The following SNTG1 variants were observed in gnomAD, a reference collection of about 807,000 sequenced individuals.
SNTG1 encodes the protein gamma-1-syntrophin.
A neutral mutation model predicts 74.7 loss-of-function variants in SNTG1; 39 were observed. The observed-to-expected ratio is 0.52, with a 90% CI of 0.40 to 0.68. The LOEUF (loss-of-function observed/expected upper bound fraction) is 0.68. SNTG1 is among the 30% of genes least tolerant of loss of function. The pLI, the probability that SNTG1 is intolerant of heterozygous loss-of-function variation, is 0.00. For synonymous variants in SNTG1, 254 were observed against 217.1 expected (o/e 1.17, Z -1.49); for missense variants, 685 against 609.5 (o/e 1.12, Z -1.30).
chr8:50,716,355 A>G lies in SNTG1; in HGVS notation c.1284+7377A>G, dbSNP rs190566868. On this transcript the variant is annotated intron_variant, in intron 17 of 18. Transcript: ENST00000642720. The stretch of plus-strand genomic sequence containing the variant: ...TAGAAATCTTCACTATACAAGTTAT[A>G]ATATAGTTCTGACAATATTCACATA... Among the ~76,000 whole-genome samples, 340 of 152,248 alleles carry G rather than the reference A, an allele frequency of 2.2e-3. 4 individuals are homozygous for G. Among genetic ancestry groups the G allele is most frequent in the East Asian group, 7.7e-3 (40 of 5,194 alleles).
chr8:50,287,391 G>T (rs138113278), intron 2 of SNTG1, among the ~76,000 whole-genome samples: 1 of 152,050 alleles, frequency 6.6e-6, no homozygotes, highest in African/African-American at 2.4e-5. Flanking sequence ...AGTTAACGTC[G>T]TTGCCATCTG....
chr8:50,168,636 A>G (rs1485153306), intron 1 of SNTG1, among the ~76,000 whole-genome samples: 1 of 152,184 alleles, frequency 6.6e-6, no homozygotes, highest in East Asian at 1.9e-4. Context: ...CTATTACCCA[A>G]TATAAGAAGT....
At chr8:50,490,454 T>C (rs2093841301) in intron 8 of SNTG1, among the ~76,000 whole-genome samples, 3 of 152,214 alleles carry the variant, frequency 2.0e-5, no homozygotes, top group Non-Finnish European at 4.4e-5. Context: ...AAGCAGTGGT[T>C]TGTAGTTCTT....
intron 2 of SNTG1, among the ~76,000 whole-genome samples, chr8:50,235,581 G>T (rs2085849378): frequency 6.6e-6 from 1 of 152,124 alleles, no homozygotes; most frequent in South Asian, 2.1e-4. Context: ...ACACATTTTT[G>T]TTGGAAAAAA....
chr8:50,398,169 C>T (rs1010387747), intron 3 of SNTG1, among the ~76,000 whole-genome samples: 12 of 152,328 alleles, frequency 7.9e-5, no homozygotes, highest in African/African-American at 2.6e-4. Context: ...TGTATTTTAA[C>T]TTTCCCATTT....
At chr8:50,071,713 G>C (rs1821382393) in intron 1 of SNTG1, among the ~76,000 whole-genome samples, 1 of 151,182 alleles carries the variant, frequency 6.6e-6, no homozygotes, top group Non-Finnish European at 1.5e-5. Context: ...CCTGACCTCA[G>C]ATGATCCGCC....
chr8:50,053,046 A>G (rs955617954), intron 1 of SNTG1, among the ~76,000 whole-genome samples: 1 of 152,056 alleles, frequency 6.6e-6, no homozygotes, highest in African/African-American at 2.4e-5. Context: ...TGACCCAGTA[A>G]CTCCACTGCC....
chr8:50,638,037 C>G (rs983749791), intron 13 of SNTG1, among the ~76,000 whole-genome samples: 2 of 151,990 alleles, frequency 1.3e-5, no homozygotes, highest in African/African-American at 4.8e-5. Context: ...ACGTCCATAC[C>G]CCAGGTACTT....
Position 50,513,912 on chromosome 8 carries a change from A to C in SNTG1, c.466+11032A>C, listed in dbSNP as rs1275680328. On this transcript the variant is annotated intron_variant, in intron 9 of 18. Coordinates refer to ENST00000642720, the MANE Select transcript of SNTG1 (RefSeq NM_018967.5). ...CTTCAGCTCACGCTCAGTGCACTGC[A>C]CCCACTCTCCTGCACCCACTTTTTG... is the stretch of plus-strand genomic sequence containing the variant. Among the ~76,000 whole-genome samples the C allele has an allele frequency of 3.3e-5, 5 of 152,046 alleles. 1 individual carries two copies. Among genetic ancestry groups the C allele is most frequent in the Admixed American group, 3.3e-4 (5 of 15,270 alleles).
At chr8:50,152,096 G>C (rs1016881538) in intron 1 of SNTG1, among the ~76,000 whole-genome samples, 3 of 152,108 alleles carry the variant, frequency 2.0e-5, no homozygotes, top group Non-Finnish European at 4.4e-5. Context: ...GGGTGCTCCT[G>C]TATTGGGTGC....
chr8:50,676,022 T>C (rs11996302), intron 15 of SNTG1, among the ~76,000 whole-genome samples: 35,823 of 151,914 alleles, frequency 0.24, 4,385 homozygotes, highest in South Asian at 0.31. Context: ...ATGGGCTTCC[T>C]TTTGTAAGTG....
At chr8:50,340,061 A>G (rs2091274677) in intron 2 of SNTG1, among the ~76,000 whole-genome samples, 1 of 151,928 alleles carries the variant, frequency 6.6e-6, no homozygotes, top group East Asian at 1.9e-4. Context: ...GCTCTGAAGA[A>G]AGACATTAAA....
At chr8:50,015,841 G>A in intron 1 of SNTG1, among the ~76,000 whole-genome samples, 1 of 152,144 alleles carries the variant, frequency 6.6e-6, no homozygotes, top group East Asian at 1.9e-4. Context: ...AAAAATGGTT[G>A]GGCTGCTTGA....
chr8:50,792,213 T>C (rs1223001571), intron 18 of SNTG1, among the ~76,000 whole-genome samples: 1 of 151,796 alleles, frequency 6.6e-6, no homozygotes, highest in East Asian at 1.9e-4. Context: ...TCCCCTTACT[T>C]CTAGCATTTC....
chr8:50,777,953 T>C (rs1482603089), intron 18 of SNTG1, among the ~76,000 whole-genome samples: 1 of 151,902 alleles, frequency 6.6e-6, no homozygotes, highest in Non-Finnish European at 1.5e-5. Flanking sequence ...ATATGCGGTG[T>C]TTGGTTTTTT....
intron 1 of SNTG1, among the ~76,000 whole-genome samples, chr8:50,115,077 A>G (rs570278693): frequency 1.3e-5 from 2 of 152,302 alleles, no homozygotes; most frequent in African/African-American, 4.8e-5. Flanking sequence ...AACATGAAAA[A>G]ATAAATACTT....
At chr8:49,935,524 AAAAAAAAAAAAAAAAG>A (rs905684052) in intron 1 of SNTG1, among the ~76,000 whole-genome samples, 19 of 109,774 alleles carry the variant, frequency 1.7e-4, no homozygotes, top group Non-Finnish European at 2.9e-4. Context: ...GATGTAAACC[AAAAAAAAAAAAAAAAG>A]AAAAAGAAAA....
chr8:50,283,004 A>G (rs1231812230), intron 2 of SNTG1, among the ~76,000 whole-genome samples: 1 of 152,236 alleles, frequency 6.6e-6, no homozygotes, highest in Non-Finnish European at 1.5e-5. Flanking sequence ...TAGTAAACAA[A>G]TGGTAAATGC....
Position 49,997,906 on chromosome 8 carries a change from C to T in SNTG1, c.-103+85675C>T, listed in dbSNP as rs79883127. On this transcript the variant is annotated intron_variant, in intron 1 of 18. Transcript: ENST00000642720. ...CCTGAAGTCTAGACGCATATACAGTCATCACTTTTCACTAAATAATGGGAA... is the reference window on the plus strand; with the variant it reads ...CCTGAAGTCTAGACGCATATACAGTTATCACTTTTCACTAAATAATGGGAA... 9.1e-3 allele frequency among the ~76,000 whole-genome samples: 1,386 copies of T among 152,246 alleles called. 51 individuals carry two copies. The highest frequency in any genetic ancestry group is 0.063 in the East Asian group (326 of 5,170).
Sources: allele counts gnomAD v4.1 joint callset (sites outside exome capture counted in the v4.1 genomes callset), GRCh38; gene constraint gnomAD v4.1.1; transcripts MANE v1.5; gene names NCBI Gene and HGNC (gene_info 2026-07-23, HGNC 2026-07-21).